Variants in EVI5 observed in about 807,000 individuals in gnomAD.
EVI5 encodes the protein ecotropic viral integration site 5, also known as ecotropic viral integration site 5 protein homolog.
A neutral mutation model predicts 112.0 loss-of-function variants in EVI5; 73 were observed. The ratio of observed to expected loss-of-function variants is 0.65; its 90% CI spans 0.54 to 0.79. The LOEUF (loss-of-function observed/expected upper bound fraction) is 0.79. Ranked by LOEUF, EVI5 falls within the 30% of genes least tolerant of loss-of-function variation. EVI5 has a pLI of 0.00. For synonymous variants in EVI5, 305 were observed against 319.9 expected (o/e 0.95, Z 0.50); for missense variants, 900 against 968.8 (o/e 0.93, Z 0.94).
chr1:92,764,160 C>G (rs888080992), intron 1 of EVI5, among the ~76,000 whole-genome samples: 1 of 152,068 alleles, frequency 6.6e-6, no homozygotes, highest in African/African-American at 2.4e-5. Flanking sequence ...TAAATAGTAC[C>G]ACATGCACTG....
At chr1:92,740,937 CCAGCCTTCTG>C (rs1214636933) in intron 1 of EVI5, among the ~76,000 whole-genome samples, 2 of 152,116 alleles carry the variant, frequency 1.3e-5, no homozygotes, top group Non-Finnish European at 2.9e-5. Flanking sequence ...GAAATTTTGA[CCAGCCTTCTG>C]CGCTACCTAA....
intron 19 of EVI5, among the ~76,000 whole-genome samples, chr1:92,554,003 C>G (rs1416270385): frequency 6.6e-6 from 1 of 152,092 alleles, no homozygotes; most frequent in East Asian, 1.9e-4. Flanking sequence ...TTCTGTGTTT[C>G]TCAAAACATC....
rs959023878 is a variant in EVI5, at chr1:92,784,822, G to A, written c.-82+14C>T. The A allele has an allele frequency of 4.1e-6, 4 of 985,328 alleles. No individual in the cohort carries two copies. Among genetic ancestry groups the A allele is most frequent in the African/African-American group, 1.8e-5 (1 of 57,108 alleles). 61.0% of individuals were successfully genotyped at this position (985,328 alleles called of 1,614,324 possible). A position where few individuals can be genotyped will look rare whatever the true frequency, so the allele number is the denominator to read the frequency against. On this transcript the variant is annotated intron_variant, in intron 1 of 19. Transcript: ENST00000684568. ...GGCCTCCCGGCCCGCCCGGCCTGGC[G>A]CAGCGCCCCTCACCTTGGAAACGTT...
chr1:92,559,980 G>A (rs1668277963), intron 19 of EVI5, among the ~76,000 whole-genome samples: 1 of 152,074 alleles, frequency 6.6e-6, no homozygotes, highest in South Asian at 2.1e-4. Flanking sequence ...AAACCATAAT[G>A]AGAAATCTCT....
intron 19 of EVI5, among the ~76,000 whole-genome samples, chr1:92,554,216 A>G (rs1392493133): frequency 1.3e-5 from 2 of 152,228 alleles, no homozygotes; most frequent in African/African-American, 2.4e-5. Flanking sequence ...TTTACTAACT[A>G]GATGTTAGGT....
At chr1:92,648,395 T>C (rs1283272282) in intron 13 of EVI5, among the ~76,000 whole-genome samples, 1 of 150,628 alleles carries the variant, frequency 6.6e-6, no homozygotes, top group African/African-American at 2.4e-5. Flanking sequence ...ATAATAAAAA[T>C]AAAAAAATAA....
At chr1:92,549,296 T>C (rs1456478519) in intron 19 of EVI5, among the ~76,000 whole-genome samples, 1 of 152,162 alleles carries the variant, frequency 6.6e-6, no homozygotes, top group Non-Finnish European at 1.5e-5. Context: ...GCTAGCCATA[T>C]GTAGAAAGCT....
chr1:92,551,795 T>C (rs937861424), intron 19 of EVI5, among the ~76,000 whole-genome samples: 8 of 151,936 alleles, frequency 5.3e-5, no homozygotes, highest in African/African-American at 1.9e-4. Flanking sequence ...TAAAAAACTA[T>C]AAAACCTGTC....
chr1:92,656,354 G>A (rs946442893), intron 13 of EVI5, among the ~76,000 whole-genome samples: 1 of 151,832 alleles, frequency 6.6e-6, no homozygotes, highest in African/African-American at 2.4e-5. Flanking sequence ...AAATGAACAT[G>A]GAGACACAAC....
Position 92,654,317 on chromosome 1 carries a change from C to G in EVI5, c.1392+8402G>C, listed in dbSNP as rs1662653519. ...AATCTGCTGACACAAGTGCACAGTG[C>G]TGGGAAATGAGATAAGATTCTTGAG... On this transcript the variant is annotated intron_variant, in intron 13 of 19. Transcript: ENST00000684568. 2.0e-5 allele frequency among the ~76,000 whole-genome samples: 3 copies of G among 152,278 alleles called. No individual in the cohort carries two copies. In the South Asian group the frequency reaches 6.2e-4, roughly 32 times the overall value.
chr1:92,573,474 T>C (rs947544386), intron 18 of EVI5, among the ~76,000 whole-genome samples: 1 of 152,106 alleles, frequency 6.6e-6, no homozygotes, highest in African/African-American at 2.4e-5. Context: ...ATTTTTAGTA[T>C]AGGTTTACAT....
chr1:92,623,828 A>C (rs1655085455), intron 16 of EVI5, among the ~76,000 whole-genome samples: 1 of 152,238 alleles, frequency 6.6e-6, no homozygotes, highest in Non-Finnish European at 1.5e-5. Flanking sequence ...CAGCTCCGTA[A>C]AACAAAGTAT....
At chr1:92,653,817 G>A (rs1030587003) in intron 13 of EVI5, among the ~76,000 whole-genome samples, 20 of 152,202 alleles carry the variant, frequency 1.3e-4, no homozygotes, top group African/African-American at 4.8e-4. Context: ...GCAAGCCAAG[G>A]GGCAGTCATC....
chr1:92,733,383 G>A (rs1313735536), intron 2 of EVI5: 1 of 148,930 alleles, frequency 6.7e-6, no homozygotes, highest in Non-Finnish European at 1.5e-5. Flanking sequence ...TATTTCCACT[G>A]ATGTCGTATT....
At chr1:92,756,092 A>G in intron 1 of EVI5, 1 of 276,730 alleles carries the variant, frequency 3.6e-6, no homozygotes, top group Non-Finnish European at 7.7e-6. Context: ...AGTAAATCTG[A>G]AGAAAAAGAA....
At chr1:92,713,474 G>C (rs1244909587) in intron 2 of EVI5, among the ~76,000 whole-genome samples, 1 of 151,846 alleles carries the variant, frequency 6.6e-6, no homozygotes, top group Non-Finnish European at 1.5e-5. Flanking sequence ...ACATTTGCTA[G>C]TTTAAAAAGA....
chr1:92,766,975 G>A (rs1286717237), intron 1 of EVI5, among the ~76,000 whole-genome samples: 3 of 151,606 alleles, frequency 2.0e-5, no homozygotes, highest in South Asian at 2.1e-4. Flanking sequence ...CCAGCGACTC[G>A]GGAGGCTGAG....
chr1:92,765,846 C>T (rs759058314), intron 1 of EVI5, among the ~76,000 whole-genome samples: 8 of 151,886 alleles, frequency 5.3e-5, no homozygotes, highest in South Asian at 2.1e-4. Flanking sequence ...GAAGCCAAGG[C>T]GGGAGGGTCG....
intron 9 of EVI5, among the ~76,000 whole-genome samples, chr1:92,681,760 T>C (rs1007901148): frequency 6.6e-6 from 1 of 152,156 alleles, no homozygotes; most frequent in Non-Finnish European, 1.5e-5. Flanking sequence ...TATTGTCCAA[T>C]AGAGTAGCCA....
Sources: allele counts gnomAD v4.1 joint callset (sites outside exome capture counted in the v4.1 genomes callset), GRCh38; gene constraint gnomAD v4.1.1; transcripts MANE v1.5; gene names NCBI Gene and HGNC (gene_info 2026-07-23, HGNC 2026-07-21).